Variants in MAP3K1 observed in about 807,000 individuals in gnomAD.
MAP3K1 encodes MAP/ERK kinase kinase 1.
A neutral mutation model predicts 144.2 loss-of-function variants in MAP3K1; 36 were observed. The observed-to-expected ratio is 0.25, with a 90% CI of 0.19 to 0.33. The LOEUF (loss-of-function observed/expected upper bound fraction) is 0.33. Among genes scored for constraint, MAP3K1 ranks in the 10% least tolerant of loss-of-function variants. MAP3K1 has a pLI of 1.00. For synonymous variants in MAP3K1, 718 were observed against 688.7 expected, an observed-to-expected ratio of 1.04 and a Z score of -0.67; for missense variants, 1,650 against 1,881.9, an observed-to-expected ratio of 0.88 and a Z score of 2.28.
rs1431456941 is a variant in MAP3K1, at chr5:56,881,978, C to T, written c.2778C>T (p.Asp926=). The T allele has an allele frequency of 3.0e-5, 49 of 1,613,776 alleles. No individual in the cohort carries two copies. The highest frequency in any genetic ancestry group is 4.1e-5 in the Non-Finnish European group (48 of 1,180,002). Residue 926 remains aspartate, a synonymous_variant, in exon 14 of 20, where the codon GAC becomes GAT. Transcript: ENST00000399503. ...CAAAATTGAGTGCCAGTTCAGAGGA[C>T]ATTTCTGAGAGACTGGCCAGCATTT... ...CATKLSASSE[D]ISERLASISV...
chr5:56,875,337 T>A (rs751654051), intron 10 of MAP3K1, 27 bp downstream of exon 10: 23 of 1,611,744 alleles, frequency 1.4e-5, no homozygotes, highest in Non-Finnish European at 2.0e-5. Flanking sequence ...CATAATCATA[T>A]CATTATGGGT....
intron 1 of MAP3K1, among the ~76,000 whole-genome samples, chr5:56,824,978 A>G (rs917277296): frequency 7.9e-5 from 12 of 151,294 alleles, no homozygotes; most frequent in African/African-American, 2.9e-4. Flanking sequence ...TCTTAAAGAT[A>G]TTTTTCTTGC....
rs1579771334 is a variant in MAP3K1, at chr5:56,875,323, A to G, written c.1965+13A>G. 1 of 1,613,248 alleles carries G rather than the reference A, an allele frequency of 6.2e-7. No homozygotes were observed. Among genetic ancestry groups the G allele is most frequent in the Non-Finnish European group, 8.5e-7 (1 of 1,179,668 alleles). On this transcript the variant is annotated intron_variant, in intron 10 of 19. Transcript: ENST00000399503. ...CGTTGCTGCTTTAGTAAGTAGCTTT[A>G]TTCCATAATCATATCATTATGGGTT...
intron 1 of MAP3K1, chr5:56,820,963 G>GTT: frequency 7.9e-6 from 2 of 254,636 alleles, no homozygotes; most frequent in Non-Finnish European, 1.2e-5. Flanking sequence ...GTTCAGGCAT[G>GTT]TTTTTTTTTC....
At chr5:56,868,445 C>T (rs959330245) in intron 6 of MAP3K1, among the ~76,000 whole-genome samples, 1 of 152,002 alleles carries the variant, frequency 6.6e-6, no homozygotes, top group African/African-American at 2.4e-5. Flanking sequence ...AGTGCAGTGG[C>T]GTGATCTTGG....
At chr5:56,880,503 G>A (rs1315650702) in intron 11 of MAP3K1, among the ~76,000 whole-genome samples, 2 of 151,996 alleles carry the variant, frequency 1.3e-5, no homozygotes, top group Non-Finnish European at 2.9e-5. Context: ...CTTAACATAG[G>A]GGATATGTTA....
At position 56,895,603 on chromosome 5, in the gene MAP3K1, A is replaced by T. The variant is rs1748680359; in HGVS notation, c.*1923A>T. On this transcript the variant is annotated 3_prime_UTR_variant, in exon 20 of 20. Coordinates refer to ENST00000399503, the MANE Select transcript of MAP3K1 (RefSeq NM_005921.2). ...CACATTTCAAACTCAAACTATCTGT[A>T]GATTTCAAAATCCATTGTGTTTGAG... 8.6e-6 allele frequency: 2 copies of T among 232,350 alleles called. No homozygotes were observed. Among genetic ancestry groups the T allele is most frequent in the African/African-American group, 4.4e-5 (2 of 45,322 alleles). 14.4% of individuals were successfully genotyped at this position (232,350 alleles called of 1,614,324 possible).
At chr5:56,880,154 A>G (rs532363418) in intron 11 of MAP3K1, among the ~76,000 whole-genome samples, 37 of 152,324 alleles carry the variant, frequency 2.4e-4, no homozygotes, top group South Asian at 1.2e-3. Flanking sequence ...TAAATATTAG[A>G]ATAGGTATAT....
At chr5:56,868,570 G>GT (rs1313471328) in intron 6 of MAP3K1, among the ~76,000 whole-genome samples, 1 of 152,042 alleles carries the variant, frequency 6.6e-6, no homozygotes, top group Non-Finnish European at 1.5e-5. Flanking sequence ...ATTTTTAGTA[G>GT]TGACAGGGTT....
chr5:56,860,952 TCCACCACTA>T (rs1386492823), intron 3 of MAP3K1, among the ~76,000 whole-genome samples: 1 of 152,216 alleles, frequency 6.6e-6, no homozygotes, highest in African/African-American at 2.4e-5. Context: ...AAAGCTACTA[TCCACCACTA>T]TGAGCTTGAC....
rs1304106192 is a variant in MAP3K1, at chr5:56,881,686, C to T, written c.2486C>T (p.Thr829Ile). The change falls in exon 14 of 20, where the codon ACA becomes ATA. Residue 829 changes from threonine (T) to isoleucine (I), a missense_variant. By Grantham distance (89) the Thr-to-Ile change is moderately conservative (BLOSUM62 -1). Around this residue, in one of 6 missense-constraint regions of MAP3K1, gnomAD observed 841 missense variants for 886.5 expected, o/e 0.95. Coordinates refer to ENST00000399503, the MANE Select transcript of MAP3K1 (RefSeq NM_005921.2). ...TTGAGTTCTGCAAGAATGGTTACTA[C>T]AGTACCCCATGTGTTTTCAAAACTG... The part of the protein sequence containing the change: ...IYLSSARMVT[T>I]VPHVFSKLLE... The T allele has an allele frequency of 3.1e-6, 5 of 1,613,986 alleles. No individual in the cohort carries two copies. The highest frequency in any genetic ancestry group is 1.3e-5 in the African/African-American group (1 of 75,030).
At chr5:56,838,248 T>G (rs890909887) in intron 1 of MAP3K1, among the ~76,000 whole-genome samples, 2 of 152,214 alleles carry the variant, frequency 1.3e-5, no homozygotes, top group East Asian at 3.8e-4. Context: ...ACAATTTGTG[T>G]TACAAGTACA....
At chr5:56,880,583 G>T in intron 11 of MAP3K1, 128 bp from the exon 12 acceptor site, 2 of 718,748 alleles carry the variant, frequency 2.8e-6, no homozygotes, top group Non-Finnish European at 2.6e-6. Context: ...GATTTTAGTG[G>T]TGGAAAAGTA....
chr5:56,859,857 G>T lies in MAP3K1; in HGVS notation c.776G>T (p.Gly259Val). 6.2e-7 allele frequency: 1 copy of T among 1,613,814 alleles called. No homozygotes were observed. The highest frequency in any genetic ancestry group is 8.5e-7 in the Non-Finnish European group (1 of 1,179,914). Reference protein sequence around the residue: ...RSPSPGNSPSGRTVKSESPGV... With the variant: ...RSPSPGNSPSVRTVKSESPGV... ...CCTTCTCCTGGCAACTCCCCATCAG[G>T]TCGCACAGTGAAATCAGAATCTCCA... Residue 259 changes from glycine to valine, a missense_variant, in exon 3 of 20, where the codon GGT becomes GTT. Transcript: ENST00000399503.
intron 1 of MAP3K1, among the ~76,000 whole-genome samples, chr5:56,855,535 C>A (rs529183663): frequency 6.6e-6 from 1 of 152,090 alleles, no homozygotes; most frequent in African/African-American, 2.4e-5. Context: ...ACGGGTTAAC[C>A]GTTTCCTTTC....
intron 6 of MAP3K1, among the ~76,000 whole-genome samples, chr5:56,867,363 A>G (rs1747708254): frequency 6.6e-6 from 1 of 152,234 alleles, no homozygotes; most frequent in Admixed American, 6.5e-5. Context: ...TCTAAGATCA[A>G]TAAAAAGAAA....
At chr5:56,830,511 G>A (rs1159139799) in intron 1 of MAP3K1, among the ~76,000 whole-genome samples, 1 of 152,078 alleles carries the variant, frequency 6.6e-6, no homozygotes, top group Non-Finnish European at 1.5e-5. Flanking sequence ...TGGTGTTCCA[G>A]GTTCAGTAAG....
chr5:56,854,129 C>A (rs1747261103), intron 1 of MAP3K1, among the ~76,000 whole-genome samples: 1 of 151,952 alleles, frequency 6.6e-6, no homozygotes, highest in African/African-American at 2.4e-5. Flanking sequence ...CCAGCATTTC[C>A]ATTTCTAGGT....
chr5:56,817,019 C>T (rs2111733327), intron 1 of MAP3K1: 3 of 979,922 alleles, frequency 3.1e-6, no homozygotes, highest in South Asian at 4.7e-5. Flanking sequence ...CTGCTCGGTG[C>T]CCTGGCGCGG....
Sources: gnomAD v4.1 joint callset for allele counts (sites outside exome capture counted in the v4.1 genomes callset) on GRCh38, gnomAD v4.1.1 for gene constraint, gnomAD v4.1.1 regional missense constraint, MANE v1.5 for transcripts, NCBI Gene and HGNC (gene_info 2026-07-23, HGNC 2026-07-21) for gene names.